MRC2: variants seen among roughly 807,000 people sequenced by gnomAD.
MRC2 encodes C-type mannose receptor 2.
In MRC2, 84 loss-of-function variants were observed where a neutral mutation model predicts 206.2. The ratio of observed to expected loss-of-function variants is 0.41; its 90% CI spans 0.34 to 0.49. The LOEUF (loss-of-function observed/expected upper bound fraction) is 0.49. Among genes scored for constraint, MRC2 ranks in the 20% least tolerant of loss-of-function variants. The probability of loss-of-function intolerance (pLI) is 0.31; values close to 1 mark genes in which losing one functional copy is unlikely to be tolerated. For synonymous variants in MRC2, 798 were observed against 800.0 expected (o/e 1.00, Z 0.04); for missense variants, 1,676 against 2,001.5 (o/e 0.84, Z 3.10).
intron 9 of MRC2, among the ~76,000 whole-genome samples, chr17:62,674,729 G>A (rs1268418212): frequency 6.6e-6 from 1 of 151,914 alleles, no homozygotes; most frequent in East Asian, 1.9e-4. Context: ...AATGAAAGCT[G>A]TGTAAGTGAG....
chr17:62,642,211 C>A (rs1211282331), intron 1 of MRC2, among the ~76,000 whole-genome samples: 1 of 152,064 alleles, frequency 6.6e-6, no homozygotes, highest in Non-Finnish European at 1.5e-5. Flanking sequence ...GCCTTGTTGT[C>A]TTTTATCGGC....
In MRC2 at chr17:62,684,307, TTG is replaced by T. The variant is rs534260613; in HGVS notation, c.2946+1932_2946+1933del. Among the ~76,000 whole-genome samples the T allele has an allele frequency of 3.5e-3, 533 of 152,282 alleles. 3 individuals are homozygous for T. The highest frequency in any genetic ancestry group is 0.021 in the Middle Eastern group (6 of 292). ...CCTTCTACCAATTAAACAAACATTTTTGTTTAAAAATTGGCTAGTAGGCTGGG... is the reference window on the plus strand; with the variant it reads ...CCTTCTACCAATTAAACAAACATTTTTTTAAAAATTGGCTAGTAGGCTGGG... On this transcript the variant is annotated intron_variant, in intron 20 of 29. Coordinates refer to ENST00000303375, the MANE Select transcript of MRC2 (RefSeq NM_006039.5).
intron 1 of MRC2, among the ~76,000 whole-genome samples, chr17:62,650,766 G>A (rs944450237): frequency 6.6e-6 from 1 of 152,182 alleles, no homozygotes. Context: ...TTTTACAAGC[G>A]CAGGGTGACC....
rs1327351825 is a variant in MRC2, at chr17:62,670,905, AGTG to A, written c.1118-742_1118-740del. ...TCCTGGGCTTCCCAGACCTGCACAG[AGTG>A]GGTGCTCAATAAATGTTATTTGAGA... is the stretch of plus-strand genomic sequence containing the variant. On this transcript the variant is annotated intron_variant, in intron 6 of 29. Coordinates refer to ENST00000303375, the MANE Select transcript of MRC2 (RefSeq NM_006039.5). Among the ~76,000 whole-genome samples the A allele has an allele frequency of 2.0e-5, 3 of 152,196 alleles. No individual in the cohort carries two copies. The East Asian group carries it at 5.8e-4, about 29-fold the overall frequency.
At chr17:62,660,490 ATTTAAGT>A (rs2088667472) in intron 1 of MRC2, among the ~76,000 whole-genome samples, 1 of 152,192 alleles carries the variant, frequency 6.6e-6, no homozygotes, top group African/African-American at 2.4e-5. Context: ...AGAGTTTAAA[ATTTAAGT>A]TCCACCAAGT....
In MRC2 at chr17:62,690,100, C is replaced by G. The variant is rs2465426; in HGVS notation, c.3742+38C>G. 0.95 allele frequency: 1,505,539 copies of G among 1,579,714 alleles called. 725,214 individuals are homozygous for G. Among genetic ancestry groups the G allele is most frequent in the Non-Finnish European group, 0.98 (1,141,933 of 1,160,024 alleles). Reference sequence around the variant, plus strand: ...CTGCCAGGGCGGGGGCATGGGCAAGCTGTCGGTGGCCCCGGGGAGGGTGCT... The same window carrying G: ...CTGCCAGGGCGGGGGCATGGGCAAGGTGTCGGTGGCCCCGGGGAGGGTGCT... On this transcript the variant is annotated intron_variant, in intron 25 of 29. Transcript: ENST00000303375.
intron 28 of MRC2, among the ~76,000 whole-genome samples, chr17:62,691,544 C>T (rs561206087): frequency 2.4e-4 from 36 of 151,968 alleles, no homozygotes; most frequent in African/African-American, 7.2e-4. Context: ...CTGAGGTGGG[C>T]GGATCACTTG....
In MRC2 at chr17:62,668,177, C is replaced by T. The variant is rs903415982; in HGVS notation, c.1117+644C>T. Among the ~76,000 whole-genome samples the T allele has an allele frequency of 6.6e-5, 10 of 151,734 alleles. No individual in the cohort carries two copies. In the South Asian group the frequency reaches 1.2e-3, roughly 19 times the overall value. ...TTCAAGACCAGCCTGGGCAACATAG[C>T]GAGACCCTGTCTCTGCAAAATATTT... is the stretch of plus-strand genomic sequence containing the variant. On this transcript the variant is annotated intron_variant, in intron 6 of 29. Transcript: ENST00000303375.
In MRC2 at chr17:62,680,668, GC is replaced by G; in HGVS notation, c.2474-130del. 1.5e-6 allele frequency: 2 copies of G among 1,306,626 alleles called. No individual in the cohort carries two copies. Among genetic ancestry groups the G allele is most frequent in the East Asian group, 2.6e-5 (1 of 38,438 alleles). 80.9% of individuals were successfully genotyped at this position (1,306,626 alleles called of 1,614,324 possible). The stretch of plus-strand genomic sequence containing the variant: ...GGGCCTGGGGCCTGGCACGGTGCCT[GC>G]CTGGGTCCGGTGTGCCTGCAGGCTC... On this transcript the variant is annotated intron_variant, in intron 16 of 29. Transcript: ENST00000303375. The surrounding 1 kb of genome is among the most constrained non-coding windows in gnomAD (Gnocchi z 4.8).
rs758460386 is a variant in MRC2, at chr17:62,679,865, G to C, written c.2261G>C (p.Arg754Thr). 1 of 1,613,874 alleles carries C rather than the reference G, an allele frequency of 6.2e-7. No individual in the cohort carries two copies. The highest frequency in any genetic ancestry group is 1.1e-5 in the South Asian group (1 of 91,058). The change falls in exon 14 of 30, where the codon AGA becomes ACA. Residue 754 changes from arginine to threonine, a missense_variant. Arg to Thr is a moderately conservative substitution (Grantham distance 71). Coordinates refer to ENST00000303375, the MANE Select transcript of MRC2 (RefSeq NM_006039.5). Reference sequence around the variant, plus strand: ...ATCGGCCTGAACCGTCGGGATCCCAGAGGGGGTCAGAGTTGGCGCTGGAGC... The same window carrying C: ...ATCGGCCTGAACCGTCGGGATCCCACAGGGGGTCAGAGTTGGCGCTGGAGC... The part of the protein sequence containing the change: ...FWIGLNRRDP[R>T]GGQSWRWSDG...
rs2089058088 is a variant in MRC2 at position 62,688,370 on chromosome 17, C to A, written c.3028C>A (p.Gln1010Lys). The change falls in exon 21 of 30, where the codon CAG becomes AAG. Residue 1010 changes from glutamine (Q) to lysine (K), a missense_variant. This residue lies in a region of MRC2 where 1,354 missense variants were observed against 1,636.6 expected (regional missense o/e 0.83). Transcript: ENST00000303375. ...AQFSCEQQEA[Q>K]LVTITNPLEQ... ...GTTCTCCTGTGAACAGCAAGAGGCCCAGCTGGTCACCATCACAAACCCCTT... is the reference window on the plus strand; with the variant it reads ...GTTCTCCTGTGAACAGCAAGAGGCCAAGCTGGTCACCATCACAAACCCCTT... 1 of 1,614,074 alleles carries A rather than the reference C, an allele frequency of 6.2e-7. No homozygotes were observed. The highest frequency in any genetic ancestry group is 8.5e-7 in the Non-Finnish European group (1 of 1,180,040).
At chr17:62,669,454 G>C in intron 6 of MRC2, among the ~76,000 whole-genome samples, 1 of 152,112 alleles carries the variant, frequency 6.6e-6, no homozygotes, top group Admixed American at 6.6e-5. Context: ...GACCTCAGGT[G>C]ATCTGCCCAC....
In MRC2 at chr17:62,690,642, C is replaced by T. The variant is rs200494869; in HGVS notation, c.3893C>T (p.Ala1298Val). ...HKEARQRCQR[A>V]GGAVLSILDE... is the part of the protein sequence containing the mutation. Reference sequence around the variant, plus strand: ...TGACGTGGGCCTTCTTTGCATCCAGCGGGTGGGGCCGTCCTGTCTATCCTG... The same window carrying T: ...TGACGTGGGCCTTCTTTGCATCCAGTGGGTGGGGCCGTCCTGTCTATCCTG... Residue 1298 changes from alanine (A) to valine (V), a missense_variant and splice_region_variant, in exon 27 of 30, where the codon GCG (alanine) becomes GTG (valine). Ala to Val is a moderately conservative substitution (Grantham distance 64). Coordinates refer to ENST00000303375, the MANE Select transcript of MRC2 (RefSeq NM_006039.5). The T allele has an allele frequency of 2.8e-4, 452 of 1,598,444 alleles. 6 individuals carry two copies. The East Asian group carries it at 9.0e-3, about 32-fold the overall frequency.
intron 18 of MRC2, chr17:62,681,346 A>T: frequency 1.7e-6 from 1 of 604,040 alleles, no homozygotes. Context: ...GAAATAACAT[A>T]TGCGAAGTGC....
chr17:62,688,302 A>G lies in MRC2; in HGVS notation c.2960A>G (p.Gln987Arg). Residue 987 changes from glutamine (Q) to arginine (R), a missense_variant, in exon 21 of 30, where the codon CAG becomes CGG. This residue lies in a region of MRC2 where 1,354 missense variants were observed against 1,636.6 expected (regional missense o/e 0.83). Coordinates refer to ENST00000303375, the MANE Select transcript of MRC2 (RefSeq NM_006039.5). ...TCTGCCCCACAGTGTTTTCAGGTCC[A>G]GGGCCAGGAACCCCAGAGCCGGGTG... ...IQFLNKCFQV[Q>R]GQEPQSRVKW... The G allele has an allele frequency of 6.2e-7, 1 of 1,614,098 alleles. No individual in the cohort carries two copies. Among genetic ancestry groups the G allele is most frequent in the Non-Finnish European group, 8.5e-7 (1 of 1,179,996 alleles).
At chr17:62,644,752 T>C (rs2088454679) in intron 1 of MRC2, among the ~76,000 whole-genome samples, 1 of 152,030 alleles carries the variant, frequency 6.6e-6, no homozygotes, top group African/African-American at 2.4e-5. Flanking sequence ...AGCCCGCAGA[T>C]CCTCATTTGG....
In MRC2 at chr17:62,666,849, A is replaced by T. The variant is rs1437080230; in HGVS notation, c.952A>T (p.Lys318Ter). 6.2e-7 allele frequency: 1 copy of T among 1,613,712 alleles called. No homozygotes were observed. The highest frequency in any genetic ancestry group is 8.5e-7 in the Non-Finnish European group (1 of 1,179,912). ...GWQWSDNSPL[K>*]YLNWESDQPD... is the part of the protein sequence containing the mutation. ...GCAGTGGTCGGACAACTCGCCCCTCAAGTACCTCAACTGGGAGAGTGGTGA... is the reference window on the plus strand; with the variant it reads ...GCAGTGGTCGGACAACTCGCCCCTCTAGTACCTCAACTGGGAGAGTGGTGA... The change falls in exon 5 of 30, where the codon AAG (lysine) becomes TAG (stop). Residue 318 changes from lysine to a stop codon, truncating the protein, a stop_gained. Transcript: ENST00000303375. LOFTEE classifies it high-confidence loss of function. This position sits in a 1 kb window ranked among gnomAD's most constrained non-coding sequence, Gnocchi z 5.0.
At position 62,673,854 on chromosome 17, in the gene MRC2, G is replaced by A. The variant is rs114117224; in HGVS notation, c.1462-209G>A. Among the ~76,000 whole-genome samples, 1,409 of 152,302 alleles carry A rather than the reference G, an allele frequency of 9.3e-3. 28 individuals are homozygous for A. The highest frequency in any genetic ancestry group is 0.032 in the African/African-American group (1,350 of 41,560). On this transcript the variant is annotated intron_variant, in intron 8 of 29. Transcript: ENST00000303375. ...GACAATGCTTGTTAAGTTTCAAGGC[G>A]TTTGCACATGAACTGCTTGTGCTCT...
At chr17:62,682,889 C>G (rs879530997) in intron 20 of MRC2, among the ~76,000 whole-genome samples, 13 of 152,030 alleles carry the variant, frequency 8.6e-5, no homozygotes, top group Non-Finnish European at 1.8e-4. Context: ...TGATCACCTG[C>G]CTTGGCCTCC....
Sources: allele counts gnomAD v4.1 joint callset (sites outside exome capture counted in the v4.1 genomes callset), GRCh38; gene constraint gnomAD v4.1.1; regional missense constraint gnomAD v4.1.1; non-coding constraint Gnocchi (gnomAD v3.1); transcripts MANE v1.5; gene names NCBI Gene and HGNC (gene_info 2026-07-23, HGNC 2026-07-21).